SLC9A2: variants seen among roughly 807,000 people sequenced by gnomAD.
SLC9A2 encodes the protein sodium/hydrogen exchanger 2.
A neutral mutation model predicts 71.7 loss-of-function variants in SLC9A2; 42 were observed. That is an observed-to-expected ratio of 0.59 (90% CI 0.46 to 0.76). SLC9A2 has a LOEUF of 0.76. Ranked by LOEUF, SLC9A2 falls within the 30% of genes least tolerant of loss-of-function variation. SLC9A2 has a pLI of 0.00. For synonymous variants in SLC9A2, 396 were observed against 392.5 expected (o/e 1.01, Z -0.10); for missense variants, 829 against 1,017.4 (o/e 0.81, Z 2.52).
chr2:102,653,064 T>C (rs1225550847), intron 1 of SLC9A2, among the ~76,000 whole-genome samples: 1 of 152,218 alleles, frequency 6.6e-6, no homozygotes, highest in Admixed American at 6.5e-5. Context: ...TGGTAGTTCA[T>C]AAAAGCACAG....
Position 102,690,813 on chromosome 2 carries a change from A to G in SLC9A2, c.1426-3601A>G, listed in dbSNP as rs533808995. The stretch of plus-strand genomic sequence containing the variant: ...TTCCATAAGACAGCATAGCAGCGAT[A>G]GTGATATTTTTTAATACATGAAAAT... On this transcript the variant is annotated intron_variant, in intron 5 of 11. Coordinates refer to ENST00000233969, the MANE Select transcript of SLC9A2 (RefSeq NM_003048.6). Among the ~76,000 whole-genome samples the G allele has an allele frequency of 9.8e-5, 15 of 152,308 alleles. No homozygotes were observed. The East Asian group carries it at 2.9e-3, about 29-fold the overall frequency.
intron 1 of SLC9A2, among the ~76,000 whole-genome samples, chr2:102,621,352 GAAAAA>G (rs768118079): frequency 2.7e-5 from 3 of 109,538 alleles, no homozygotes; most frequent in Middle Eastern, 5.6e-3. Flanking sequence ...TTGTCTCAGG[GAAAAA>G]AAAAAAAAAA....
intron 1 of SLC9A2, among the ~76,000 whole-genome samples, chr2:102,644,281 G>C (rs549791850): frequency 1.3e-5 from 2 of 152,190 alleles, no homozygotes; most frequent in East Asian, 1.9e-4. Context: ...TGTGCATTCT[G>C]GCCCAGATAC....
intron 5 of SLC9A2, among the ~76,000 whole-genome samples, chr2:102,693,331 T>C (rs1221913101): frequency 6.6e-6 from 1 of 152,212 alleles, no homozygotes; most frequent in Non-Finnish European, 1.5e-5. Flanking sequence ...TCTATTCTTC[T>C]CAGTTGACTG....
chr2:102,649,762 C>G (rs954932789), intron 1 of SLC9A2, among the ~76,000 whole-genome samples: 1 of 150,872 alleles, frequency 6.6e-6, no homozygotes, highest in African/African-American at 2.4e-5. Context: ...AATCAAAACC[C>G]CGAGATACCA....
intron 10 of SLC9A2, among the ~76,000 whole-genome samples, chr2:102,705,505 T>C (rs983412232): frequency 2.0e-5 from 3 of 152,080 alleles, no homozygotes; most frequent in African/African-American, 4.8e-5. Flanking sequence ...ATTGTAAACA[T>C]ATCTTCTTCC....
At chr2:102,649,291 AC>A in intron 1 of SLC9A2, among the ~76,000 whole-genome samples, 1 of 152,112 alleles carries the variant, frequency 6.6e-6, no homozygotes, top group Non-Finnish European at 1.5e-5. Flanking sequence ...CTGAAACTGG[AC>A]CCCTTTCTTA....
rs548990809 is a variant in SLC9A2 at position 102,660,040 on chromosome 2, G to A, written c.753+2013G>A. On this transcript the variant is annotated intron_variant, in intron 2 of 11. Transcript: ENST00000233969. ...ATCAAATTTTTATTCAGACATCTCC[G>A]TGGTCCATTCTTTGAGTTTGTCCCA... is the stretch of plus-strand genomic sequence containing the variant. Among the ~76,000 whole-genome samples the A allele has an allele frequency of 4.0e-4, 61 of 152,268 alleles. No homozygotes were observed. The South Asian group carries it at 0.012, about 30-fold the overall frequency.
At chr2:102,688,202 A>T (rs1677588186) in intron 5 of SLC9A2, among the ~76,000 whole-genome samples, 1 of 152,200 alleles carries the variant, frequency 6.6e-6, no homozygotes, top group Non-Finnish European at 1.5e-5. Flanking sequence ...TGTAAATTAT[A>T]TTCAAAATTG....
chr2:102,683,764 C>T (rs977354378), intron 4 of SLC9A2, among the ~76,000 whole-genome samples: 1 of 150,334 alleles, frequency 6.7e-6, no homozygotes, highest in African/African-American at 2.5e-5. Flanking sequence ...TCCTCCTCTT[C>T]CTTCTCACCT....
chr2:102,660,425 C>T (rs1677027057), intron 2 of SLC9A2, among the ~76,000 whole-genome samples: 1 of 152,184 alleles, frequency 6.6e-6, no homozygotes, highest in Non-Finnish European at 1.5e-5. Flanking sequence ...CAAAGCCAGA[C>T]CCACAAGATA....
intron 1 of SLC9A2, among the ~76,000 whole-genome samples, chr2:102,627,263 C>A (rs370710477): frequency 6.6e-6 from 1 of 152,016 alleles, no homozygotes; most frequent in East Asian, 1.9e-4. Flanking sequence ...CAGTGATCTG[C>A]GATGATGCCA....
Position 102,684,224 on chromosome 2 carries a change from G to A in SLC9A2, c.1313G>A (p.Arg438Gln), listed in dbSNP as rs763299512. 3 of 1,614,048 alleles carry A rather than the reference G, an allele frequency of 1.9e-6. No individual in the cohort carries two copies. The highest frequency in any genetic ancestry group is 2.2e-5 in the East Asian group (1 of 44,876). The change falls in exon 5 of 12, where the codon CGA becomes CAA. Residue 438 changes from arginine to glutamine, a missense_variant. This residue lies in a region of SLC9A2 where 500 missense variants were observed against 726.3 expected (regional missense o/e 0.69). Transcript: ENST00000233969. ...TTCATCATTGCCTATGGAGGACTTC[G>A]AGGTGCCATCTGTTTTGCGTTAGTG... is the stretch of plus-strand genomic sequence containing the variant. ...DQFIIAYGGLRGAICFALVFL... is the reference protein window; with the variant it reads ...DQFIIAYGGLQGAICFALVFL...
chr2:102,664,128 T>C (rs1677093296), intron 2 of SLC9A2, among the ~76,000 whole-genome samples: 1 of 151,758 alleles, frequency 6.6e-6, no homozygotes, highest in Non-Finnish European at 1.5e-5. Context: ...GTACAGCAAT[T>C]AGCCGGGTGT....
chr2:102,642,584 A>T (rs533721755), intron 1 of SLC9A2, among the ~76,000 whole-genome samples: 1 of 152,160 alleles, frequency 6.6e-6, no homozygotes, highest in South Asian at 2.1e-4. Flanking sequence ...ACATTTTTGC[A>T]TCAATACTCC....
chr2:102,694,523 A>G lies in SLC9A2; in HGVS notation c.1515+20A>G. The G allele has an allele frequency of 8.1e-7, 1 of 1,234,450 alleles. No individual in the cohort carries two copies. The highest frequency in any genetic ancestry group is 1.1e-6 in the Non-Finnish European group (1 of 879,294). 76.5% of individuals were successfully genotyped at this position (1,234,450 alleles called of 1,614,324 possible). On this transcript the variant is annotated intron_variant, in intron 6 of 11. Transcript: ENST00000233969. ...TGTCGGGTAGGTGTTAAGAGAGTGT[A>G]ATAATTTTAATGATAAAGGAAAAAT...
At chr2:102,651,983 T>C (rs4140834) in intron 1 of SLC9A2, among the ~76,000 whole-genome samples, 50,408 of 152,010 alleles carry the variant, frequency 0.33, 8,968 homozygotes, top group East Asian at 0.53. Context: ...TTTTTATTGC[T>C]AAAGAGTCAC....
chr2:102,641,389 A>G (rs1676578400), intron 1 of SLC9A2, among the ~76,000 whole-genome samples: 2 of 151,906 alleles, frequency 1.3e-5, no homozygotes. Flanking sequence ...CCCAGAACAC[A>G]TCACCCTTTC....
intron 1 of SLC9A2, among the ~76,000 whole-genome samples, chr2:102,634,414 A>G (rs1676429032): frequency 6.6e-6 from 1 of 152,206 alleles, no homozygotes; most frequent in African/African-American, 2.4e-5. Flanking sequence ...CATCAGTAAA[A>G]TGAGCTCATA....
Sources: gnomAD v4.1 joint callset for allele counts (sites outside exome capture counted in the v4.1 genomes callset) on GRCh38, gnomAD v4.1.1 for gene constraint, gnomAD v4.1.1 regional missense constraint, MANE v1.5 for transcripts, NCBI Gene and HGNC (gene_info 2026-07-23, HGNC 2026-07-21) for gene names.